The following THADA variants were observed in gnomAD, a reference collection of about 807,000 sequenced individuals.
THADA encodes the protein THADA armadillo repeat containing.
In THADA, 213 loss-of-function variants were observed where a neutral mutation model predicts 219.8. The observed-to-expected ratio is 0.97, with a 90% CI of 0.87 to 1.09. The LOEUF (loss-of-function observed/expected upper bound fraction) is 1.09, where lower values mean the gene tolerates loss of function less well. Among genes scored for constraint, THADA ranks in the 50% least tolerant of loss-of-function variants. THADA has a pLI of 0.00. For synonymous variants in THADA, 1,018 were observed against 828.9 expected (o/e 1.23, Z -3.92); for missense variants, 2,956 against 2,311.3 (o/e 1.28, Z -5.72).
At chr2:43,570,643 T>G (rs1230988957) in intron 13 of THADA, 133 bp from the exon 14 acceptor site, 2 of 929,562 alleles carry the variant, frequency 2.2e-6, no homozygotes, top group African/African-American at 3.4e-5. Context: ...TATTTTATAA[T>G]GTTTCTTTTT....
At chr2:43,350,339 C>T (rs1668111534) in intron 29 of THADA, among the ~76,000 whole-genome samples, 1 of 152,172 alleles carries the variant, frequency 6.6e-6, no homozygotes, top group African/African-American at 2.4e-5. Flanking sequence ...GAAACAGATA[C>T]AGCAAAAATT....
intron 28 of THADA, among the ~76,000 whole-genome samples, chr2:43,420,663 C>A (rs1409424250): frequency 6.6e-6 from 1 of 152,198 alleles, no homozygotes; most frequent in East Asian, 1.9e-4. Flanking sequence ...ACTCCTCATT[C>A]CTTCTGCTCA....
chr2:43,526,042 A>G (rs1046709358), intron 22 of THADA, among the ~76,000 whole-genome samples: 3 of 152,240 alleles, frequency 2.0e-5, no homozygotes, highest in Admixed American at 2.0e-4. Flanking sequence ...AATTTGTAGG[A>G]AATTCTATAA....
At chr2:43,494,455 T>C (rs912754321) in intron 25 of THADA, among the ~76,000 whole-genome samples, 1 of 152,228 alleles carries the variant, frequency 6.6e-6, no homozygotes, top group Non-Finnish European at 1.5e-5. Context: ...AGGTAAAATG[T>C]ACCTTCTTTG....
In THADA at chr2:43,515,186, A is replaced by AATATATT. The variant is rs1691390337; in HGVS notation, c.3375-6413_3375-6407dup. 1.5e-3 allele frequency among the ~76,000 whole-genome samples: 31 copies of AATATATT among 21,336 alleles called. 5 individuals carry two copies. Among genetic ancestry groups the AATATATT allele is most frequent in the African/African-American group, 3.2e-3 (14 of 4,434 alleles). The allele number at this position is 21,336 out of a possible 152,430, so 14.0% of individuals were successfully genotyped here. A position where few individuals can be genotyped will look rare whatever the true frequency, so the allele number is the denominator to read the frequency against. On this transcript the variant is annotated intron_variant, in intron 22 of 37. Coordinates refer to ENST00000405975, the MANE Select transcript of THADA (RefSeq NM_022065.5). ...ATATAATATATTATATATTATATAT[A>AATATATT]ATATATTATATATAATATATAATAT...
At position 43,364,979 on chromosome 2, in the gene THADA, C is replaced by T. The variant is rs138237803; in HGVS notation, c.4228-20742G>A. On this transcript the variant is annotated intron_variant, in intron 29 of 37. Transcript: ENST00000405975. ...CATCTTTTTTTTTTTTTTTTTGAGA[C>T]GGAGTTTCGCTCTTGTTGCCCAGGC... Among the ~76,000 whole-genome samples, 1,135 of 141,418 alleles carry T rather than the reference C, an allele frequency of 8.0e-3. 15 individuals are homozygous for T. Among genetic ancestry groups the T allele is most frequent in the African/African-American group, 0.028 (1,058 of 37,750 alleles). The allele number at this position is 141,418 out of a possible 152,430, so 92.8% of individuals were successfully genotyped here.
intron 29 of THADA, among the ~76,000 whole-genome samples, chr2:43,395,836 C>G (rs1444617696): frequency 6.6e-6 from 1 of 152,216 alleles, no homozygotes; most frequent in African/African-American, 2.4e-5. Context: ...ACTGCAACCT[C>G]TGCCTCTGGG....
intron 29 of THADA, among the ~76,000 whole-genome samples, chr2:43,395,031 C>A (rs1424468240): frequency 6.6e-6 from 1 of 152,172 alleles, no homozygotes. Context: ...GAGCAAAAGA[C>A]CATGTTTTGT....
At chr2:43,490,031 CA>C (rs1201152775) in intron 25 of THADA, among the ~76,000 whole-genome samples, 2 of 152,102 alleles carry the variant, frequency 1.3e-5, no homozygotes, top group African/African-American at 4.8e-5. Flanking sequence ...ATAATTTCTT[CA>C]AAAAATGTTT....
chr2:43,485,352 G>C, intron 25 of THADA, 27 bp from the exon 26 acceptor site: 1 of 1,527,554 alleles, frequency 6.5e-7, no homozygotes. Flanking sequence ...AACACAATAA[G>C]GCTTAAATAT....
chr2:43,273,163 C>G (rs142283165), intron 36 of THADA, among the ~76,000 whole-genome samples: 1 of 151,748 alleles, frequency 6.6e-6, no homozygotes, highest in Non-Finnish European at 1.5e-5. Context: ...GCAGGACAAT[C>G]GCTTGAACCC....
intron 29 of THADA, among the ~76,000 whole-genome samples, chr2:43,381,699 C>T (rs1403613353): frequency 6.6e-6 from 1 of 152,014 alleles, no homozygotes; most frequent in African/African-American, 2.4e-5. Flanking sequence ...TTCTGTCAGC[C>T]TCCTGAGTGG....
intron 30 of THADA, among the ~76,000 whole-genome samples, chr2:43,327,346 G>A (rs1189533240): frequency 6.6e-6 from 1 of 152,024 alleles, no homozygotes; most frequent in East Asian, 1.9e-4. Flanking sequence ...TGGAGTTAAT[G>A]AAGCAATATC....
At chr2:43,277,087 TC>T (rs1672805344) in intron 36 of THADA, 1 of 152,460 alleles carries the variant, frequency 6.6e-6, no homozygotes. Flanking sequence ...GCCTGGCAAA[TC>T]CCCTCACTCA....
intron 29 of THADA, among the ~76,000 whole-genome samples, chr2:43,346,622 C>T (rs996169800): frequency 1.3e-5 from 2 of 152,212 alleles, no homozygotes; most frequent in Non-Finnish European, 2.9e-5. Context: ...CACATGAGAA[C>T]TCAGAAGTTC....
At chr2:43,544,225 T>C (rs935225865) in intron 20 of THADA, among the ~76,000 whole-genome samples, 2 of 152,334 alleles carry the variant, frequency 1.3e-5, no homozygotes, top group Admixed American at 6.5e-5. Context: ...TTCTGTTCCA[T>C]TGATCTATAT....
At chr2:43,418,491 T>G (rs974028140) in intron 28 of THADA, among the ~76,000 whole-genome samples, 2 of 152,130 alleles carry the variant, frequency 1.3e-5, no homozygotes, top group Non-Finnish European at 2.9e-5. Context: ...GCTAGCCAGG[T>G]AGAGCAAGAT....
intron 36 of THADA, among the ~76,000 whole-genome samples, chr2:43,265,968 CACACACACACACACACACACACAG>C (rs1450178484): frequency 7.2e-6 from 1 of 139,430 alleles, no homozygotes; most frequent in Non-Finnish European, 1.6e-5. Flanking sequence ...CACACACACA[CACACACACACACACACACACACAG>C]ACTCTTGAGG....
In THADA at chr2:43,571,828, C is replaced by A; in HGVS notation, c.1943G>T (p.Ser648Ile). ...RIDTLGLLCESNRSTEIVSME... is the reference protein window; with the variant it reads ...RIDTLGLLCEINRSTEIVSME... ...GGAAACAATTTCTGTGCTCCGATTA[C>A]TTTCACAAAGCAAGCCTAATGTATC... Residue 648 changes from serine (S) to isoleucine (I), a missense_variant, in exon 13 of 38, where the codon AGT becomes ATT. Transcript: ENST00000405975. 6.2e-7 allele frequency: 1 copy of A among 1,613,882 alleles called. No individual in the cohort carries two copies. Among genetic ancestry groups the A allele is most frequent in the Non-Finnish European group, 8.5e-7 (1 of 1,179,838 alleles).
Sources: gnomAD v4.1 joint callset for allele counts (sites outside exome capture counted in the v4.1 genomes callset) on GRCh38, gnomAD v4.1.1 for gene constraint, MANE v1.5 for transcripts, NCBI Gene and HGNC (gene_info 2026-07-23, HGNC 2026-07-21) for gene names.